PRKAR1A: variants seen among roughly 807,000 people sequenced by gnomAD.
The protein encoded by PRKAR1A is cAMP-dependent protein kinase type I-alpha regulatory subunit.
In PRKAR1A, 3 loss-of-function variants were observed where a neutral mutation model predicts 52.0. The ratio of observed to expected loss-of-function variants is 0.06; its 90% CI spans 0.03 to 0.15. PRKAR1A has a LOEUF of 0.15. Among genes scored for constraint, PRKAR1A ranks in the 10% least tolerant of loss-of-function variants. PRKAR1A has a pLI of 1.00. For missense variants in PRKAR1A, 240 were observed against 477.4 expected, an observed-to-expected ratio of 0.50 and a Z score of 4.63; for synonymous variants, 188 against 168.4, an observed-to-expected ratio of 1.12 and a Z score of -0.90.
At chr17:68,436,502 T>G in the PRKAR1A span, 1 of 1,608,026 alleles carries the variant, frequency 6.2e-7, no homozygotes, top group Non-Finnish European at 8.5e-7. Flanking sequence ...AAACAGAACA[T>G]GAGAAGCCTG....
At chr17:68,540,038 C>T (rs2086219483) in intron 11 of PRKAR1A, 2 of 1,346,030 alleles carry the variant, frequency 1.5e-6, no homozygotes, top group Admixed American at 3.5e-5. Context: ...TGAGTTCTCT[C>T]CAGGGAACGG....
the PRKAR1A span, among the ~76,000 whole-genome samples, chr17:68,478,332 G>A: frequency 6.6e-6 from 1 of 152,058 alleles, no homozygotes; most frequent in Non-Finnish European, 1.5e-5. Flanking sequence ...TGCGCCTGTA[G>A]TCCCAGCTAC....
intron 11 of PRKAR1A, chr17:68,550,949 C>A: frequency 4.4e-6 from 3 of 683,804 alleles, no homozygotes; most frequent in Non-Finnish European, 6.0e-6. Context: ...CTGGGGCTCT[C>A]AATGGGCCTC....
the PRKAR1A span, among the ~76,000 whole-genome samples, chr17:68,443,513 A>C: frequency 6.6e-6 from 1 of 152,248 alleles, no homozygotes; most frequent in Non-Finnish European, 1.5e-5. Context: ...AAGAGAAGGC[A>C]TCAGAAGTAT....
chr17:68,486,567 T>C, the PRKAR1A span, among the ~76,000 whole-genome samples: 32 of 145,812 alleles, frequency 2.2e-4, no homozygotes, highest in African/African-American at 7.7e-4. Context: ...CTTTCTTTCT[T>C]TCTTCTTTCC....
chr17:68,536,635 T>C (rs772903736), downstream of PRKAR1A: 10 of 452,092 alleles, frequency 2.2e-5, no homozygotes, highest in Non-Finnish European at 4.0e-5. Flanking sequence ...AGATTGTGGT[T>C]GGTGGGCTGT....
At chr17:68,490,686 C>T in the PRKAR1A span, among the ~76,000 whole-genome samples, 20,752 of 152,000 alleles carry the variant, frequency 0.14, 1,519 homozygotes, top group South Asian at 0.18. Flanking sequence ...TGCGATTACC[C>T]ATCTGTGAAG....
intron 11 of PRKAR1A, chr17:68,542,608 G>A (rs922966531): frequency 2.3e-5 from 23 of 991,690 alleles, no homozygotes; most frequent in African/African-American, 1.9e-4. Context: ...TAGCAGCAGG[G>A]TGTCAGGCCA....
At chr17:68,463,529 T>C in the PRKAR1A span, among the ~76,000 whole-genome samples, 1 of 152,130 alleles carries the variant, frequency 6.6e-6, no homozygotes, top group South Asian at 2.1e-4. Flanking sequence ...AGAGAGACCA[T>C]TAACAAGAAA....
At chr17:68,513,424 G>C (rs1288071226) in intron 1 of PRKAR1A, among the ~76,000 whole-genome samples, 1 of 152,172 alleles carries the variant, frequency 6.6e-6, no homozygotes, top group Non-Finnish European at 1.5e-5. Context: ...GGTCTAAGGG[G>C]GTGCGGTCTG....
chr17:68,446,145 T>A, the PRKAR1A span, among the ~76,000 whole-genome samples: 1 of 152,144 alleles, frequency 6.6e-6, no homozygotes, highest in Non-Finnish European at 1.5e-5. Flanking sequence ...AGGTCATCAG[T>A]GTTAACCAAG....
At chr17:68,445,878 A>G in the PRKAR1A span, among the ~76,000 whole-genome samples, 2 of 152,174 alleles carry the variant, frequency 1.3e-5, no homozygotes, top group Non-Finnish European at 2.9e-5. Flanking sequence ...CTGGATGCCC[A>G]AGGAGCTGCC....
chr17:68,495,650 T>A, the PRKAR1A span, among the ~76,000 whole-genome samples: 1 of 152,202 alleles, frequency 6.6e-6, no homozygotes. Context: ...ATCACATACA[T>A]TGTAGCACAT....
At chr17:68,487,700 C>G in the PRKAR1A span, among the ~76,000 whole-genome samples, 2 of 151,348 alleles carry the variant, frequency 1.3e-5, no homozygotes, top group East Asian at 1.9e-4. Context: ...ATTCAGGAGG[C>G]TGAGGCAGGA....
At chr17:68,513,436 A>C (rs2085334608) in intron 1 of PRKAR1A, among the ~76,000 whole-genome samples, 1 of 152,222 alleles carries the variant, frequency 6.6e-6, no homozygotes, top group Non-Finnish European at 1.5e-5. Flanking sequence ...TGCGGTCTGA[A>C]TCAGGAACAG....
chr17:68,484,483 G>T, the PRKAR1A span, among the ~76,000 whole-genome samples: 3 of 149,798 alleles, frequency 2.0e-5, no homozygotes, highest in African/African-American at 4.9e-5. Context: ...TATTCCATCG[G>T]GTTTTCTACA....
chr17:68,456,500 G>A, the PRKAR1A span, among the ~76,000 whole-genome samples: 1 of 151,800 alleles, frequency 6.6e-6, no homozygotes, highest in Non-Finnish European at 1.5e-5. Flanking sequence ...ATGAAAATAG[G>A]GAAAGAAACA....
chr17:68,451,896 T>C, the PRKAR1A span, among the ~76,000 whole-genome samples: 1 of 152,226 alleles, frequency 6.6e-6, no homozygotes, highest in Non-Finnish European at 1.5e-5. Context: ...TTCATATGTG[T>C]GCCTTTCTTC....
chr17:68,515,328 G>C (rs888047137), intron 1 of PRKAR1A, 66 bp from the exon 2 acceptor site: 5 of 1,578,558 alleles, frequency 3.2e-6, no homozygotes, highest in Non-Finnish European at 1.7e-6. Flanking sequence ...AATTTAGCAA[G>C]TTAAATGCCA....
Sources: gnomAD v4.1 joint callset for allele counts (sites outside exome capture counted in the v4.1 genomes callset) on GRCh38, gnomAD v4.1.1 for gene constraint, MANE v1.5 for transcripts, NCBI Gene and HGNC (gene_info 2026-07-23, HGNC 2026-07-21) for gene names.